PPARGC1A: variants seen among roughly 807,000 people sequenced by gnomAD.
The protein encoded by PPARGC1A is peroxisome proliferator-activated receptor gamma coactivator 1-alpha.
PPARGC1A carries 25 observed loss-of-function variants against 88.7 expected under a neutral mutation model. The observed-to-expected ratio is 0.28, with a 90% CI of 0.21 to 0.39. The LOEUF (loss-of-function observed/expected upper bound fraction) is 0.39, where lower values mean the gene tolerates loss of function less well. PPARGC1A is among the 10% of genes least tolerant of loss of function. PPARGC1A has a pLI of 1.00. For synonymous variants in PPARGC1A, 363 were observed against 355.6 expected (o/e 1.02, Z -0.24); for missense variants, 880 against 968.7 (o/e 0.91, Z 1.22).
At chr4:24,102,315 C>A in the PPARGC1A span, among the ~76,000 whole-genome samples, 26 of 152,282 alleles carry the variant, frequency 1.7e-4, no homozygotes, top group East Asian at 5.0e-3. Context: ...AGGCTCATTT[C>A]CAAATCCAAA....
At chr4:24,369,065 C>T in the PPARGC1A span, among the ~76,000 whole-genome samples, 1 of 152,100 alleles carries the variant, frequency 6.6e-6, no homozygotes, top group African/African-American at 2.4e-5. Flanking sequence ...TGAAGCCTGG[C>T]CCACTAATTA....
At chr4:24,360,897 G>A in the PPARGC1A span, among the ~76,000 whole-genome samples, 12 of 152,140 alleles carry the variant, frequency 7.9e-5, no homozygotes, top group South Asian at 2.1e-4. Context: ...AAGGAGCATC[G>A]AGTACACAGT....
chr4:24,012,331 T>C, the PPARGC1A span, among the ~76,000 whole-genome samples: 1 of 152,146 alleles, frequency 6.6e-6, no homozygotes, highest in Non-Finnish European at 1.5e-5. Flanking sequence ...AAGCCAATTG[T>C]CAAGAAGTAC....
chr4:24,215,201 A>G, the PPARGC1A span, among the ~76,000 whole-genome samples: 5 of 152,346 alleles, frequency 3.3e-5, no homozygotes, highest in African/African-American at 1.2e-4. Context: ...ATACCAGGCT[A>G]TAACAAATGG....
At chr4:24,257,590 G>A in the PPARGC1A span, among the ~76,000 whole-genome samples, 1 of 152,140 alleles carries the variant, frequency 6.6e-6, no homozygotes, top group African/African-American at 2.4e-5. Context: ...CCATTGCATG[G>A]GTAGGAAGCA....
chr4:24,217,938 A>G, the PPARGC1A span, among the ~76,000 whole-genome samples: 3 of 152,220 alleles, frequency 2.0e-5, no homozygotes, highest in African/African-American at 7.2e-5. Context: ...ATGTTTCTAT[A>G]AGAAACATGT....
At chr4:24,413,354 A>ACTAC in the PPARGC1A span, among the ~76,000 whole-genome samples, 1 of 151,688 alleles carries the variant, frequency 6.6e-6, no homozygotes, top group Non-Finnish European at 1.5e-5. Context: ...AAACACGGGG[A>ACTAC]AGGCAAGATT....
chr4:23,997,690 C>A, the PPARGC1A span, among the ~76,000 whole-genome samples: 2 of 151,838 alleles, frequency 1.3e-5, no homozygotes, highest in African/African-American at 4.8e-5. Flanking sequence ...TTAGTAGAGA[C>A]AGGTTTGCCC....
chr4:24,027,599 C>T, the PPARGC1A span, among the ~76,000 whole-genome samples: 1 of 152,092 alleles, frequency 6.6e-6, no homozygotes. Context: ...TGTGGGGTTT[C>T]TATGTACTCA....
the PPARGC1A span, among the ~76,000 whole-genome samples, chr4:24,371,042 G>A: frequency 2.0e-5 from 3 of 151,946 alleles, no homozygotes; most frequent in Non-Finnish European, 4.4e-5. Context: ...TTGGTTTTCC[G>A]TTCCTGTGTT....
rs1485315360 is a variant in PPARGC1A at position 23,873,227 on chromosome 4, AG to A, written c.234+11524del. ...ATAAAAAATAAAAAATAAAAAATAAAGAAAAAAATGTGACCAGCCATATCCC... is the reference window on the plus strand; with the variant it reads ...ATAAAAAATAAAAAATAAAAAATAAAAAAAAAATGTGACCAGCCATATCCC... On this transcript the variant is annotated intron_variant, in intron 2 of 12. Coordinates refer to ENST00000264867, the MANE Select transcript of PPARGC1A (RefSeq NM_013261.5). Among the ~76,000 whole-genome samples, 179 of 147,604 alleles carry A rather than the reference AG, an allele frequency of 1.2e-3. 5 individuals carry two copies. The highest frequency in any genetic ancestry group is 1.4e-3 in the Non-Finnish European group (94 of 66,306).
At chr4:23,888,739 G>C (rs1436497162) in intron 1 of PPARGC1A, among the ~76,000 whole-genome samples, 1 of 152,118 alleles carries the variant, frequency 6.6e-6, no homozygotes, top group African/African-American at 2.4e-5. Flanking sequence ...ATTCACAGAC[G>C]GCCTTGGCCA....
At chr4:23,828,897 T>C (rs1724501520) in intron 4 of PPARGC1A, among the ~76,000 whole-genome samples, 1 of 152,204 alleles carries the variant, frequency 6.6e-6, no homozygotes. Context: ...AAAAATCGGC[T>C]GGCTTAAACC....
the PPARGC1A span, among the ~76,000 whole-genome samples, chr4:23,985,363 CT>C: frequency 6.6e-6 from 1 of 152,090 alleles, no homozygotes; most frequent in Non-Finnish European, 1.5e-5. Context: ...GATGGAAAGT[CT>C]GTGGAAGAGG....
intron 2 of PPARGC1A, among the ~76,000 whole-genome samples, chr4:23,841,686 C>T (rs1180264811): frequency 1.3e-5 from 2 of 152,030 alleles, no homozygotes; most frequent in African/African-American, 4.8e-5. Context: ...GCAGGATTTT[C>T]TCAATCCCCT....
At chr4:23,990,665 C>G in the PPARGC1A span, among the ~76,000 whole-genome samples, 1 of 145,584 alleles carries the variant, frequency 6.9e-6, no homozygotes, top group South Asian at 2.4e-4. Flanking sequence ...GCTCATCACT[C>G]AGGGGTGTAT....
In PPARGC1A at chr4:23,895,936, A is replaced by ATGTG. The variant is rs550243415; in HGVS notation, n.52+3327_52+3330dup. 1.3e-3 allele frequency among the ~76,000 whole-genome samples: 174 copies of ATGTG among 130,708 alleles called. 1 individual carries two copies. The highest frequency in any genetic ancestry group is 4.3e-3 in the East Asian group (19 of 4,406). The allele number at this position is 130,708 out of a possible 152,430, so 85.7% of individuals were successfully genotyped here. A position where few individuals can be genotyped will look rare whatever the true frequency, so the allele number is the denominator to read the frequency against. On this transcript the variant is annotated intron_variant and non_coding_transcript_variant, in intron 1 of 3. Transcript: ENST00000507342. ...TGACCTGGTTCAATAAATTATAGAG[A>ATGTG]TGTGTGTGTGTGTGTGTGTGTGTGT...
At chr4:24,113,950 G>A in the PPARGC1A span, among the ~76,000 whole-genome samples, 6 of 151,782 alleles carry the variant, frequency 4.0e-5, no homozygotes, top group South Asian at 4.2e-4. Context: ...ATGGCAAAAC[G>A]CCGTCTCTAC....
At chr4:23,826,969 G>A (rs1032542562) in intron 5 of PPARGC1A, among the ~76,000 whole-genome samples, 1 of 152,132 alleles carries the variant, frequency 6.6e-6, no homozygotes, top group Non-Finnish European at 1.5e-5. Flanking sequence ...ACAGGGTGAG[G>A]AGTAGCCCGG....
Sources: gnomAD v4.1 joint callset for allele counts (sites outside exome capture counted in the v4.1 genomes callset) on GRCh38, gnomAD v4.1.1 for gene constraint, MANE v1.5 for transcripts, NCBI Gene and HGNC (gene_info 2026-07-23, HGNC 2026-07-21) for gene names.